AGBL4: variants seen among roughly 807,000 people sequenced by gnomAD.
AGBL4 encodes cytosolic carboxypeptidase 6.
AGBL4 carries 58 observed loss-of-function variants against 66.4 expected under a neutral mutation model. That is an observed-to-expected ratio of 0.87 (90% CI 0.71 to 1.09). The LOEUF is 1.09. AGBL4 is among the 50% of genes least tolerant of loss of function. The pLI is 0.00. For synonymous variants in AGBL4, 234 were observed against 222.9 expected, an observed-to-expected ratio of 1.05 and a Z score of -0.44; for missense variants, 579 against 631.0, an observed-to-expected ratio of 0.92 and a Z score of 0.88.
Position 49,916,028 on chromosome 1 carries a change from T to C in AGBL4, c.35-64510A>G, listed in dbSNP as rs552225327. Among the ~76,000 whole-genome samples the C allele has an allele frequency of 2.6e-5, 4 of 152,258 alleles. No individual in the cohort carries two copies. In the South Asian group the frequency reaches 8.3e-4, roughly 32 times the overall value. On this transcript the variant is annotated intron_variant, in intron 1 of 13. Transcript: ENST00000371839. Reference sequence around the variant, plus strand: ...ACAGACCTTCAGCTGAGGGACCTGATTGTTAGAAGGAAAACTAACAAACAG... The same window carrying C: ...ACAGACCTTCAGCTGAGGGACCTGACTGTTAGAAGGAAAACTAACAAACAG...
At chr1:49,669,339 G>A (rs1237328843) in intron 3 of AGBL4, among the ~76,000 whole-genome samples, 2 of 151,870 alleles carry the variant, frequency 1.3e-5, no homozygotes, top group Non-Finnish European at 2.9e-5. Flanking sequence ...TGAAAAGCTG[G>A]GACTTTACTT....
chr1:49,176,550 A>ATTC (rs1646835368), intron 4 of AGBL4, among the ~76,000 whole-genome samples: 2 of 152,176 alleles, frequency 1.3e-5, no homozygotes, highest in Non-Finnish European at 2.9e-5. Flanking sequence ...TGCTCATACA[A>ATTC]ACGATGGAAG....
intron 6 of AGBL4, among the ~76,000 whole-genome samples, chr1:48,665,789 A>G (rs984000522): frequency 6.6e-6 from 1 of 152,016 alleles, no homozygotes; most frequent in African/African-American, 2.4e-5. Context: ...AAAATCACCA[A>G]GCCCTTTTAA....
intron 3 of AGBL4, among the ~76,000 whole-genome samples, chr1:49,606,627 C>A (rs927611676): frequency 6.6e-6 from 1 of 152,022 alleles, no homozygotes; most frequent in African/African-American, 2.4e-5. Context: ...TTTACAAATC[C>A]ATTTATTTCT....
intron 4 of AGBL4, among the ~76,000 whole-genome samples, chr1:49,174,094 CAA>C (rs1412505160): frequency 6.6e-6 from 1 of 151,952 alleles, no homozygotes; most frequent in Non-Finnish European, 1.5e-5. Context: ...TATATTCTTT[CAA>C]AAAGTTTTTC....
intron 3 of AGBL4, among the ~76,000 whole-genome samples, chr1:49,665,382 A>T (rs1490701466): frequency 6.6e-6 from 1 of 152,132 alleles, no homozygotes; most frequent in Non-Finnish European, 1.5e-5. Context: ...CAGTTCTACA[A>T]ACTGTATTAG....
chr1:49,314,518 G>A (rs111590215), intron 3 of AGBL4, among the ~76,000 whole-genome samples: 3,609 of 152,076 alleles, frequency 0.024, 78 homozygotes, highest in Non-Finnish European at 0.031. Context: ...TGCTGAGAAT[G>A]ATGGTTTCCA....
Position 48,600,005 on chromosome 1 carries a change from G to A in AGBL4, c.952-9020C>T, listed in dbSNP as rs562554557. ...AGCTAAAAGAGAAGGAAAGGAGACC[G>A]TGGAGTGGTCAGAGAAGAAAGAAGG... On this transcript the variant is annotated intron_variant, in intron 9 of 13. Coordinates refer to ENST00000371839, the MANE Select transcript of AGBL4 (RefSeq NM_032785.4). 9.2e-5 allele frequency among the ~76,000 whole-genome samples: 14 copies of A among 152,224 alleles called. 1 individual carries two copies. In the South Asian group the frequency reaches 2.9e-3, roughly 32 times the overall value.
intron 4 of AGBL4, among the ~76,000 whole-genome samples, chr1:49,086,553 C>T (rs1644910797): frequency 6.6e-6 from 1 of 152,056 alleles, no homozygotes; most frequent in African/African-American, 2.4e-5. Context: ...CATCCTGCCA[C>T]TGGTATCCAG....
At chr1:49,741,503 C>A (rs1029684216) in intron 2 of AGBL4, among the ~76,000 whole-genome samples, 1 of 152,178 alleles carries the variant, frequency 6.6e-6, no homozygotes, top group Non-Finnish European at 1.5e-5. Context: ...CCTTCTGAAA[C>A]TATTCCAATC....
chr1:49,845,509 T>A, intron 2 of AGBL4: 1 of 1,577,990 alleles, frequency 6.3e-7, no homozygotes, highest in Admixed American at 1.7e-5. Flanking sequence ...GTGTGGTGAG[T>A]GTGGCAAGGC....
At chr1:49,313,029 C>T (rs1373699164) in intron 3 of AGBL4, among the ~76,000 whole-genome samples, 1 of 151,986 alleles carries the variant, frequency 6.6e-6, no homozygotes, top group Non-Finnish European at 1.5e-5. Context: ...CCTCTAGCCC[C>T]CCAACCCCCA....
chr1:48,870,135 C>T lies in AGBL4; in HGVS notation c.595-2905G>A, dbSNP rs191110874. Among the ~76,000 whole-genome samples, 285 of 152,140 alleles carry T rather than the reference C, an allele frequency of 1.9e-3. 1 individual carries two copies. The Middle Eastern group carries it at 0.027, about 15-fold the overall frequency. On this transcript the variant is annotated intron_variant, in intron 5 of 13. Coordinates refer to ENST00000371839, the MANE Select transcript of AGBL4 (RefSeq NM_032785.4). ...GAAGTCTTCTTTGAACACCACCTCC[C>T]AAACCTAACCACTTTATCTCCCTTC...
At chr1:49,062,905 T>C (rs1463051170) in intron 4 of AGBL4, among the ~76,000 whole-genome samples, 1 of 152,214 alleles carries the variant, frequency 6.6e-6, no homozygotes, top group Non-Finnish European at 1.5e-5. Context: ...CTTCACACAT[T>C]TAAAAATTAC....
At chr1:49,247,057 A>G (rs1410057142) in intron 3 of AGBL4, among the ~76,000 whole-genome samples, 1 of 152,086 alleles carries the variant, frequency 6.6e-6, no homozygotes, top group Non-Finnish European at 1.5e-5. Context: ...ACCTAACTTG[A>G]TTGAAGTCAT....
intron 7 of AGBL4, among the ~76,000 whole-genome samples, chr1:48,658,059 T>C (rs1646048518): frequency 6.6e-6 from 1 of 152,214 alleles, no homozygotes; most frequent in South Asian, 2.1e-4. Context: ...CCATGACAAC[T>C]ACTGTATATT....
intron 1 of AGBL4, among the ~76,000 whole-genome samples, chr1:49,865,454 G>A (rs979312802): frequency 6.6e-6 from 1 of 152,110 alleles, no homozygotes; most frequent in Non-Finnish European, 1.5e-5. Flanking sequence ...ATACAAGAGG[G>A]ACCCAGGCAA....
At chr1:49,013,916 C>A (rs570281747) in intron 5 of AGBL4, among the ~76,000 whole-genome samples, 2 of 152,246 alleles carry the variant, frequency 1.3e-5, no homozygotes, top group Admixed American at 6.5e-5. Flanking sequence ...CTCTAGCAAG[C>A]CATTTCTATT....
At chr1:49,697,059 T>C (rs1264937300) in intron 3 of AGBL4, among the ~76,000 whole-genome samples, 1 of 152,132 alleles carries the variant, frequency 6.6e-6, no homozygotes, top group Non-Finnish European at 1.5e-5. Flanking sequence ...TCCTAACATA[T>C]CATGCTAATG....
Sources: allele counts gnomAD v4.1 joint callset (sites outside exome capture counted in the v4.1 genomes callset), GRCh38; gene constraint gnomAD v4.1.1; transcripts MANE v1.5; gene names NCBI Gene and HGNC (gene_info 2026-07-23, HGNC 2026-07-21).